The following PRMT3 variants were observed in gnomAD, a reference collection of about 807,000 sequenced individuals.
PRMT3 encodes protein arginine N-methyltransferase 3.
PRMT3 carries 62 observed loss-of-function variants against 71.9 expected under a neutral mutation model. That is an observed-to-expected ratio of 0.86 (90% CI 0.70 to 1.07). PRMT3 has a LOEUF of 1.07. Ranked by LOEUF, PRMT3 falls within the 50% of genes least tolerant of loss-of-function variation. The probability of loss-of-function intolerance (pLI) is 0.00; values close to 1 mark genes in which losing one functional copy is unlikely to be tolerated. For synonymous variants in PRMT3, 213 were observed against 220.4 expected, an observed-to-expected ratio of 0.97 and a Z score of 0.30; for missense variants, 663 against 643.0, an observed-to-expected ratio of 1.03 and a Z score of -0.34.
At chr11:20,425,664 C>T (rs1423936190) in intron 9 of PRMT3, among the ~76,000 whole-genome samples, 2 of 152,060 alleles carry the variant, frequency 1.3e-5, no homozygotes, top group African/African-American at 2.4e-5. Context: ...AGAATCAGCA[C>T]GATTCTGTTA....
At chr11:20,441,305 TTATTTATTTATA>T (rs1371386379) in intron 10 of PRMT3, among the ~76,000 whole-genome samples, 20 of 139,982 alleles carry the variant, frequency 1.4e-4, no homozygotes, top group African/African-American at 5.3e-4. Flanking sequence ...ATTTATTTAT[TTATTTATTTATA>T]TATTTTGAGA....
chr11:20,396,000 C>T (rs773763276), intron 6 of PRMT3, 38 bp downstream of exon 6: 2 of 1,595,974 alleles, frequency 1.3e-6, no homozygotes, highest in Admixed American at 3.4e-5. Flanking sequence ...TGTTTTAGAT[C>T]TCCAGAATAA....
rs138281943 is a variant in PRMT3 at position 20,493,831 on chromosome 11, C to G, written c.1348-88C>G. On this transcript the variant is annotated intron_variant, in intron 13 of 15. Coordinates refer to ENST00000331079, the MANE Select transcript of PRMT3 (RefSeq NM_005788.4). The stretch of plus-strand genomic sequence containing the variant: ...GTATTTAGTCTCTGAAATGGTTTAT[C>G]ATTTGCCATGTCTTAAGAGACAGTA... 155 of 875,738 alleles carry G rather than the reference C, an allele frequency of 1.8e-4. 1 individual carries two copies. The highest frequency in any genetic ancestry group is 9.8e-4 in the South Asian group (58 of 59,092). 54.2% of individuals were successfully genotyped at this position (875,738 alleles called of 1,614,324 possible).
intron 12 of PRMT3, among the ~76,000 whole-genome samples, chr11:20,463,884 T>G (rs16906290): frequency 0.12 from 7,203 of 59,900 alleles, 274 homozygotes; most frequent in South Asian, 0.26. Context: ...ATTTCGCTAT[T>G]TTTTCTCTGG....
intron 13 of PRMT3, among the ~76,000 whole-genome samples, chr11:20,468,594 C>T (rs967946982): frequency 6.6e-6 from 1 of 152,136 alleles, no homozygotes; most frequent in African/African-American, 2.4e-5. Context: ...GTCTCAAACT[C>T]ATGTCCTCAG....
At chr11:20,420,617 G>A (rs973159565) in intron 9 of PRMT3, among the ~76,000 whole-genome samples, 1 of 152,186 alleles carries the variant, frequency 6.6e-6, no homozygotes, top group Non-Finnish European at 1.5e-5. Context: ...AATATCTGAT[G>A]ATCTGAGGTG....
chr11:20,506,272 ATCT>A (rs1209667121), intron 15 of PRMT3, among the ~76,000 whole-genome samples: 1 of 152,208 alleles, frequency 6.6e-6, no homozygotes, highest in Non-Finnish European at 1.5e-5. Flanking sequence ...CTGACTGGTA[ATCT>A]TTATTATGTC....
chr11:20,421,963 C>T (rs1849435520), intron 9 of PRMT3, among the ~76,000 whole-genome samples: 2 of 152,200 alleles, frequency 1.3e-5, no homozygotes, highest in South Asian at 2.1e-4. Context: ...TTCAGTTGCA[C>T]TCCTAGCATG....
chr11:20,467,167 A>C (rs1171203525), intron 13 of PRMT3, among the ~76,000 whole-genome samples: 1 of 152,154 alleles, frequency 6.6e-6, no homozygotes, highest in African/African-American at 2.4e-5. Context: ...CTGAAGATAA[A>C]ATATTTTAGT....
At position 20,397,490 on chromosome 11, in the gene PRMT3, C is replaced by T. The variant is rs981015647; in HGVS notation, c.561-87C>T. ...GAAGACTCATCACACTGTACTCCCT[C>T]CCCTTTCCTCTTCCTCAACCTCTAG... On this transcript the variant is annotated intron_variant, in intron 6 of 15. Transcript: ENST00000331079. The T allele has an allele frequency of 8.1e-6, 11 of 1,355,190 alleles. No homozygotes were observed. In the African/African-American group the frequency reaches 1.6e-4, roughly 20 times the overall value. 83.9% of individuals were successfully genotyped at this position (1,355,190 alleles called of 1,614,324 possible).
chr11:20,480,930 T>C (rs1247552988), intron 13 of PRMT3, among the ~76,000 whole-genome samples: 1 of 152,180 alleles, frequency 6.6e-6, no homozygotes, highest in Non-Finnish European at 1.5e-5. Flanking sequence ...CTTTGAGTTA[T>C]GTAAGTAGTG....
At chr11:20,418,574 A>G (rs917277655) in intron 9 of PRMT3, among the ~76,000 whole-genome samples, 7 of 152,200 alleles carry the variant, frequency 4.6e-5, no homozygotes, top group Admixed American at 4.6e-4. Context: ...CTTTTACAGA[A>G]CACAGATCTT....
At chr11:20,490,583 TAAG>T (rs1252672328) in intron 13 of PRMT3, among the ~76,000 whole-genome samples, 3 of 152,132 alleles carry the variant, frequency 2.0e-5, no homozygotes, top group African/African-American at 7.2e-5. Context: ...AGTAAGCTAA[TAAG>T]AGCTTTTGTG....
chr11:20,451,449 G>A lies in PRMT3; in HGVS notation c.994-681G>A, dbSNP rs1033592440. Among the ~76,000 whole-genome samples, 7 of 151,328 alleles carry A rather than the reference G, an allele frequency of 4.6e-5. No individual in the cohort carries two copies. The East Asian group carries it at 1.4e-3, about 29-fold the overall frequency. On this transcript the variant is annotated intron_variant, in intron 10 of 15. Coordinates refer to ENST00000331079, the MANE Select transcript of PRMT3 (RefSeq NM_005788.4). ...CTAATAGGAGGATATGGCAGCTGGC[G>A]TTTCTTAAACCTTTTTGACTAAGGA... is the stretch of plus-strand genomic sequence containing the variant.
At chr11:20,487,443 A>G (rs1422545442) in intron 13 of PRMT3, among the ~76,000 whole-genome samples, 1 of 152,234 alleles carries the variant, frequency 6.6e-6, no homozygotes, top group Non-Finnish European at 1.5e-5. Context: ...AGCCAGACAC[A>G]AAGGACTGCC....
chr11:20,501,246 A>T (rs1262560248), intron 15 of PRMT3, among the ~76,000 whole-genome samples: 1 of 152,188 alleles, frequency 6.6e-6, no homozygotes, highest in Admixed American at 6.5e-5. Context: ...TGGAGTTCTA[A>T]TAGAAGTTCA....
At chr11:20,413,538 T>G (rs1849238977) in intron 9 of PRMT3, among the ~76,000 whole-genome samples, 1 of 152,206 alleles carries the variant, frequency 6.6e-6, no homozygotes, top group South Asian at 2.1e-4. Context: ...TGTAACTGCT[T>G]ACTAAATGTT....
intron 6 of PRMT3, among the ~76,000 whole-genome samples, chr11:20,396,382 T>C (rs1034587478): frequency 3.9e-5 from 6 of 152,188 alleles, no homozygotes; most frequent in African/African-American, 1.4e-4. Context: ...CTCACACCTG[T>C]AATCTCAGCA....
In PRMT3 at chr11:20,387,862, C is replaced by T. The variant is rs1220888347; in HGVS notation, c.28+88C>T. The T allele has an allele frequency of 1.3e-6, 2 of 1,534,428 alleles. No homozygotes were observed. The highest frequency in any genetic ancestry group is 2.0e-5 in the Admixed American group (1 of 50,822). On this transcript the variant is annotated intron_variant, in intron 1 of 15. Coordinates refer to ENST00000331079, the MANE Select transcript of PRMT3 (RefSeq NM_005788.4). This position sits in a 1 kb window ranked among gnomAD's most constrained non-coding sequence, Gnocchi z 4.3. The stretch of plus-strand genomic sequence containing the variant: ...GGTGGAAGACCCTCCGGGACACGGG[C>T]CCGGGCAGGGTGGGGGGCTCGCAGG...
Sources: allele counts gnomAD v4.1 joint callset (sites outside exome capture counted in the v4.1 genomes callset), GRCh38; gene constraint gnomAD v4.1.1; non-coding constraint Gnocchi (gnomAD v3.1); transcripts MANE v1.5; gene names NCBI Gene and HGNC (gene_info 2026-07-23, HGNC 2026-07-21).